The following SP140 variants were observed in gnomAD, a reference collection of about 807,000 sequenced individuals.
SP140 encodes nuclear body protein SP140.
A neutral mutation model predicts 125.0 loss-of-function variants in SP140; 81 were observed. That is an observed-to-expected ratio of 0.65 (90% CI 0.54 to 0.78). The LOEUF is 0.78. Among genes scored for constraint, SP140 ranks in the 30% least tolerant of loss-of-function variants. The pLI, the probability that SP140 is intolerant of heterozygous loss-of-function variation, is 0.00. For missense variants in SP140, 858 were observed against 1,037.0 expected, an observed-to-expected ratio of 0.83 and a Z score of 2.37; for synonymous variants, 312 against 354.0, an observed-to-expected ratio of 0.88 and a Z score of 1.33.
At chr2:230,267,248 C>T (rs573633090) in intron 12 of SP140, among the ~76,000 whole-genome samples, 3 of 152,138 alleles carry the variant, frequency 2.0e-5, no homozygotes, top group African/African-American at 7.2e-5. Flanking sequence ...TTGTTTATTG[C>T]TTGCAGACCT....
chr2:230,302,132 A>G (rs2058333582), intron 22 of SP140, among the ~76,000 whole-genome samples: 1 of 151,914 alleles, frequency 6.6e-6, no homozygotes, highest in Non-Finnish European at 1.5e-5. Context: ...TTACAAAACA[A>G]TTACTCACTT....
intron 3 of SP140, among the ~76,000 whole-genome samples, chr2:230,240,041 C>G (rs569184537): frequency 6.6e-6 from 1 of 152,010 alleles, no homozygotes; most frequent in African/African-American, 2.4e-5. Context: ...TCACGACTGC[C>G]CACTGCCTCA....
In SP140 at chr2:230,269,970, G is replaced by A; in HGVS notation, c.1444+17G>A. The stretch of plus-strand genomic sequence containing the variant: ...GCACAATGGGTAAGGCTGTCTGAGG[G>A]CCGTGGGATGGGGGTGGCTCAGTGG... On this transcript the variant is annotated intron_variant, in intron 14 of 26. Coordinates refer to ENST00000392045, the MANE Select transcript of SP140 (RefSeq NM_007237.5). 2 of 1,571,648 alleles carry A rather than the reference G, an allele frequency of 1.3e-6. No homozygotes were observed. Among genetic ancestry groups the A allele is most frequent in the Non-Finnish European group, 1.8e-6 (2 of 1,141,590 alleles).
intron 12 of SP140, among the ~76,000 whole-genome samples, chr2:230,268,071 G>A (rs1257666249): frequency 6.6e-6 from 1 of 152,138 alleles, no homozygotes; most frequent in African/African-American, 2.4e-5. Flanking sequence ...GGAAAATCAG[G>A]AACAAGCACA....
At position 230,312,576 on chromosome 2, in the gene SP140, A is replaced by G; in HGVS notation, c.2506-10A>G. On this transcript the variant is annotated splice_polypyrimidine_tract_variant and intron_variant, in intron 26 of 26. Coordinates refer to ENST00000392045, the MANE Select transcript of SP140 (RefSeq NM_007237.5). ...GAGGAGCATTGTTTTTGTCTTTATT[A>G]TTTTTTCAGTACAAGGATTTTGGCC... 1 of 1,576,420 alleles carries G rather than the reference A, an allele frequency of 6.3e-7. No homozygotes were observed.
Position 230,243,745 on chromosome 2 carries a change from T to C in SP140, c.505T>C (p.Cys169Arg), listed in dbSNP as rs2049025908. 1 of 1,612,322 alleles carries C rather than the reference T, an allele frequency of 6.2e-7. No homozygotes were observed. Among genetic ancestry groups the C allele is most frequent in the African/African-American group, 1.3e-5 (1 of 74,844 alleles). ...CCTTTCGGCAGAGAACAGCAATGCC[T>C]GTCATGAAATGGATGATATAGCAGT... ...PYGKQENSNACHEMDDIAVPQ... is the reference protein window; with the variant it reads ...PYGKQENSNARHEMDDIAVPQ... The change falls in exon 5 of 27, where the codon TGT becomes CGT. Residue 169 changes from cysteine to arginine, a missense_variant. Around this residue, in one of 4 missense-constraint regions of SP140, gnomAD observed 791 missense variants for 869.5 expected, o/e 0.91. Coordinates refer to ENST00000392045, the MANE Select transcript of SP140 (RefSeq NM_007237.5).
chr2:230,272,589 A>G (rs1358105336), intron 15 of SP140, among the ~76,000 whole-genome samples: 1 of 152,154 alleles, frequency 6.6e-6, no homozygotes, highest in Non-Finnish European at 1.5e-5. Context: ...CTTGTCTTCC[A>G]CCATGATTGT....
At chr2:230,306,594 C>T (rs912417999) in intron 22 of SP140, among the ~76,000 whole-genome samples, 9 of 152,252 alleles carry the variant, frequency 5.9e-5, no homozygotes, top group Non-Finnish European at 1.2e-4. Context: ...TGGCCATTCC[C>T]TGCTCCCAGC....
At chr2:230,279,003 A>G (rs2055131912) in intron 15 of SP140, among the ~76,000 whole-genome samples, 2 of 152,152 alleles carry the variant, frequency 1.3e-5, no homozygotes, top group African/African-American at 4.8e-5. Context: ...GCAGAATTCA[A>G]AGATCAGTTG....
chr2:230,241,580 C>T, intron 4 of SP140, 93 bp downstream of exon 4: 1 of 742,328 alleles, frequency 1.3e-6, no homozygotes, highest in Non-Finnish European at 2.4e-6. Flanking sequence ...CTGTCTTAGC[C>T]CTCTGTTATC....
intron 6 of SP140, among the ~76,000 whole-genome samples, 181 bp downstream of exon 6, chr2:230,245,261 G>C (rs2049268446): frequency 6.6e-6 from 1 of 152,096 alleles, no homozygotes; most frequent in Non-Finnish European, 1.5e-5. Context: ...TAGTGGAGGG[G>C]CTCCTGGGCA....
intron 22 of SP140, among the ~76,000 whole-genome samples, chr2:230,304,442 C>T (rs963523834): frequency 2.6e-4 from 39 of 152,104 alleles, no homozygotes; most frequent in African/African-American, 9.4e-4. Context: ...GCTCATGTAG[C>T]CAAAGCAAGA....
chr2:230,245,917 A>T lies in SP140; in HGVS notation c.719A>T (p.Lys240Met), dbSNP rs1442617482. Residue 240 changes from lysine to methionine, a missense_variant, in exon 7 of 27, where the codon AAG (lysine) becomes ATG (methionine). Coordinates refer to ENST00000392045, the MANE Select transcript of SP140 (RefSeq NM_007237.5). ...IDEGESEEMP[K>M]LLPYDTEVLE... is the part of the protein sequence containing the mutation. The stretch of plus-strand genomic sequence containing the variant: ...GAAGGAGAATCAGAAGAAATGCCCA[A>T]GTTACTGCCTTATGATACAGAAGGT... 1.2e-6 allele frequency: 2 copies of T among 1,603,074 alleles called. No individual in the cohort carries two copies. Among genetic ancestry groups the T allele is most frequent in the South Asian group, 2.2e-5 (2 of 90,850 alleles).
chr2:230,205,996 G>A (rs2043754130), intron 1 of SP140, among the ~76,000 whole-genome samples: 1 of 152,138 alleles, frequency 6.6e-6, no homozygotes, highest in African/African-American at 2.4e-5. Context: ...AGTAGAATGG[G>A]GGAGAAAGCA....
intron 7 of SP140, among the ~76,000 whole-genome samples, chr2:230,246,603 GC>G (rs1454998753): frequency 6.6e-6 from 1 of 152,164 alleles, no homozygotes; most frequent in Non-Finnish European, 1.5e-5. Flanking sequence ...AAAAGATGAG[GC>G]CTTTGATACT....
chr2:230,249,196 G>GTCCCC (rs2049976821), intron 9 of SP140, among the ~76,000 whole-genome samples: 2 of 152,140 alleles, frequency 1.3e-5, no homozygotes, highest in African/African-American at 4.8e-5. Context: ...CATGGGGAAT[G>GTCCCC]TAGGGAGAAC....
At chr2:230,269,771 A>G in intron 13 of SP140, 66 bp from the exon 14 acceptor site, 1 of 1,294,902 alleles carries the variant, frequency 7.7e-7, no homozygotes, top group Non-Finnish European at 1.1e-6. Context: ...GGGGAGCAAC[A>G]AGGGTGCAGA....
intron 15 of SP140, among the ~76,000 whole-genome samples, chr2:230,280,593 A>G (rs1303541807): frequency 1.3e-5 from 2 of 152,060 alleles, no homozygotes; most frequent in Non-Finnish European, 1.5e-5. Flanking sequence ...GTATAAAACT[A>G]TATATTCTCC....
intron 12 of SP140, among the ~76,000 whole-genome samples, chr2:230,259,405 C>G (rs146535038): frequency 2.0e-5 from 3 of 151,772 alleles, no homozygotes; most frequent in Non-Finnish European, 2.9e-5. Context: ...AAGCCGGGCA[C>G]GGTGGCTCAC....
Sources: allele counts gnomAD v4.1 joint callset (sites outside exome capture counted in the v4.1 genomes callset), GRCh38; gene constraint gnomAD v4.1.1; regional missense constraint gnomAD v4.1.1; transcripts MANE v1.5; gene names NCBI Gene and HGNC (gene_info 2026-07-23, HGNC 2026-07-21).